Variants in PRDM16 observed in about 807,000 individuals in gnomAD.
PRDM16 encodes histone-lysine N-methyltransferase PRDM16.
A neutral mutation model predicts 110.6 loss-of-function variants in PRDM16; 23 were observed. The observed-to-expected ratio is 0.21, with a 90% CI of 0.15 to 0.29. The LOEUF (loss-of-function observed/expected upper bound fraction) is 0.29, where lower values mean the gene tolerates loss of function less well. Among genes scored for constraint, PRDM16 ranks in the 10% least tolerant of loss-of-function variants. PRDM16 has a pLI of 1.00. For synonymous variants in PRDM16, 799 were observed against 781.8 expected, an observed-to-expected ratio of 1.02 and a Z score of -0.37; for missense variants, 1,615 against 1,794.3, an observed-to-expected ratio of 0.90 and a Z score of 1.81.
chr1:3,276,660 A>G (rs535284078), intron 3 of PRDM16, among the ~76,000 whole-genome samples: 1 of 152,368 alleles, frequency 6.6e-6, no homozygotes, highest in East Asian at 1.9e-4. Flanking sequence ...CGTCGGCCCC[A>G]GCCAGCTCGA....
intron 2 of PRDM16, among the ~76,000 whole-genome samples, chr1:3,194,328 C>G (rs541432652): frequency 6.6e-6 from 1 of 152,306 alleles, no homozygotes; most frequent in East Asian, 1.9e-4. Context: ...CTCCCATGCC[C>G]CTTTCACCCT....
chr1:3,123,054 G>A (rs1019044797), intron 1 of PRDM16, among the ~76,000 whole-genome samples: 3 of 152,252 alleles, frequency 2.0e-5, no homozygotes, highest in Non-Finnish European at 2.9e-5. Flanking sequence ...TGGATGAGAA[G>A]TCAGTGTTCT....
At chr1:3,084,509 T>C (rs540037545) in intron 1 of PRDM16, among the ~76,000 whole-genome samples, 5 of 152,154 alleles carry the variant, frequency 3.3e-5, no homozygotes, top group Admixed American at 6.5e-5. Context: ...CACAGCAATA[T>C]TGAGCTTGCA....
At chr1:3,375,606 G>T (rs1191637823) in intron 3 of PRDM16, among the ~76,000 whole-genome samples, 1 of 152,224 alleles carries the variant, frequency 6.6e-6, no homozygotes, top group Non-Finnish European at 1.5e-5. Context: ...CCATGTGCAG[G>T]TTGCAGGAAG....
At chr1:3,285,259 G>C (rs1253123486) in intron 3 of PRDM16, among the ~76,000 whole-genome samples, 1 of 152,180 alleles carries the variant, frequency 6.6e-6, no homozygotes, top group Non-Finnish European at 1.5e-5. Context: ...GCCCCGTGGA[G>C]GCCCCTGCCT....
Position 3,430,983 on chromosome 1 carries a change from C to G in PRDM16, c.3396C>G (p.Asp1132Glu), listed in dbSNP as rs1233356790. The G allele has an allele frequency of 1.2e-6, 2 of 1,608,096 alleles. No individual in the cohort carries two copies. The highest frequency in any genetic ancestry group is 1.7e-6 in the Non-Finnish European group (2 of 1,177,180). Residue 1132 changes from aspartate to glutamate, a missense_variant, in exon 15 of 17, where the codon GAC (aspartate) becomes GAG (glutamate). Around this residue, in one of 5 missense-constraint regions of PRDM16, gnomAD observed 327 missense variants for 359.3 expected, o/e 0.91. Transcript: ENST00000270722. ...DDDDLEEDDE[D>E]SLAGKSQDDT... ...ATGACCTGGAGGAGGACGATGAGGACAGCCTGGCCGGGAAGTCGCAGGATG... is the reference window on the plus strand; with the variant it reads ...ATGACCTGGAGGAGGACGATGAGGAGAGCCTGGCCGGGAAGTCGCAGGATG...
rs922552587 is a variant in PRDM16 at position 3,208,190 on chromosome 1, C to T, written c.387+21716C>T. ...CAGCCAGAGTGGCCACGCTTGAAGC[C>T]TCACGGGGCTCCAGATGGAGCCTCC... On this transcript the variant is annotated intron_variant, in intron 2 of 16. Coordinates refer to ENST00000270722, the MANE Select transcript of PRDM16 (RefSeq NM_022114.4). This position sits in a 1 kb window ranked among gnomAD's most constrained non-coding sequence, Gnocchi z 6.1. 6.6e-6 allele frequency: 1 copy of T among 152,220 alleles called. No individual in the cohort carries two copies. Among genetic ancestry groups the T allele is most frequent in the Non-Finnish European group, 1.5e-5 (1 of 68,056 alleles). The allele number at this position is 152,220 out of a possible 1,614,324, so 9.4% of individuals were successfully genotyped here. A position where few individuals can be genotyped will look rare whatever the true frequency, so the allele number is the denominator to read the frequency against.
At chr1:3,429,886 G>A (rs1445214221) in intron 14 of PRDM16, among the ~76,000 whole-genome samples, 1 of 152,200 alleles carries the variant, frequency 6.6e-6, no homozygotes, top group Non-Finnish European at 1.5e-5. Flanking sequence ...GCCGTGAGAC[G>A]CTGTCACTTT....
chr1:3,429,229 A>G (rs1262616778), intron 14 of PRDM16, among the ~76,000 whole-genome samples: 2 of 152,222 alleles, frequency 1.3e-5, no homozygotes, highest in Non-Finnish European at 2.9e-5. Flanking sequence ...TCAGGCCCCC[A>G]TTCTGTGGGG....
At chr1:3,181,241 C>CGCAGTCTT (rs1644167301) in intron 1 of PRDM16, among the ~76,000 whole-genome samples, 1 of 147,588 alleles carries the variant, frequency 6.8e-6, no homozygotes, top group African/African-American at 2.6e-5. Context: ...CGGTCTTACA[C>CGCAGTCTT]ACAGTCTTAC....
intron 3 of PRDM16, among the ~76,000 whole-genome samples, chr1:3,352,420 C>T (rs1197147322): frequency 6.6e-6 from 1 of 152,170 alleles, no homozygotes; most frequent in Non-Finnish European, 1.5e-5. Context: ...AAGCCGGCGC[C>T]CCCCTTGCTG....
chr1:3,392,960 C>T (rs1349649818), intron 4 of PRDM16, among the ~76,000 whole-genome samples: 2 of 152,342 alleles, frequency 1.3e-5, no homozygotes, highest in African/African-American at 2.4e-5. Flanking sequence ...ACCTGTGTTT[C>T]GTGTTGTTCA....
intron 1 of PRDM16, among the ~76,000 whole-genome samples, chr1:3,180,826 C>A (rs1406013109): frequency 6.6e-6 from 1 of 152,158 alleles, no homozygotes; most frequent in Admixed American, 6.5e-5. Context: ...TTCAGGTTCC[C>A]AACAGGGCCC....
rs2455145 is a variant in PRDM16 at position 3,243,510 on chromosome 1, C to T, written c.388-577C>T. 0.3 allele frequency among the ~76,000 whole-genome samples: 44,922 copies of T among 152,072 alleles called. 9,358 individuals are homozygous for T. The highest frequency in any genetic ancestry group is 0.59 in the African/African-American group (24,497 of 41,426). On this transcript the variant is annotated intron_variant, in intron 2 of 16. Coordinates refer to ENST00000270722, the MANE Select transcript of PRDM16 (RefSeq NM_022114.4). The surrounding 1 kb of genome is among the most constrained non-coding windows in gnomAD (Gnocchi z 5.5). The stretch of plus-strand genomic sequence containing the variant: ...GCCGCCCGCCGCTGTCTCCTGGGAC[C>T]GCTGGGCAGAGTCCAGCTCCCCCCG...
intron 11 of PRDM16, 128 bp from the exon 12 acceptor site, chr1:3,418,539 A>G: frequency 1.5e-6 from 1 of 687,680 alleles, no homozygotes; most frequent in Non-Finnish European, 2.6e-6. Context: ...TGAAACTGGG[A>G]TGCTGGGATG....
intron 3 of PRDM16, among the ~76,000 whole-genome samples, chr1:3,277,234 C>G (rs2100310933): frequency 6.6e-6 from 1 of 152,338 alleles, no homozygotes; most frequent in South Asian, 2.1e-4. Flanking sequence ...GGCCCCATGC[C>G]TCTCTGTGCA....
At chr1:3,422,194 G>A (rs1343654076) in intron 12 of PRDM16, among the ~76,000 whole-genome samples, 4 of 144,168 alleles carry the variant, frequency 2.8e-5, no homozygotes, top group African/African-American at 5.2e-5. Context: ...AGATAGGTAG[G>A]CAGACAGACA....
Position 3,069,379 on chromosome 1 carries a change from G to GCCGCGCCCC in PRDM16, c.37+83_37+84insCCGCGCCCC. 1 of 452,118 alleles carries GCCGCGCCCC rather than the reference G, an allele frequency of 2.2e-6. No individual in the cohort carries two copies. Among genetic ancestry groups the GCCGCGCCCC allele is most frequent in the Non-Finnish European group, 2.9e-6 (1 of 347,614 alleles). 28.0% of individuals were successfully genotyped at this position (452,118 alleles called of 1,614,324 possible). ...GCGCCCGGGCCAGGGGTGCGCGTCG[G>GCCGCGCCCC]GGCGCGGCCGGCGCGCCTGCGGCTC... On this transcript the variant is annotated intron_variant, in intron 1 of 16. Transcript: ENST00000270722. The surrounding 1 kb of genome is among the most constrained non-coding windows in gnomAD (Gnocchi z 6.1).
chr1:3,410,882 T>G (rs972037081), intron 8 of PRDM16, among the ~76,000 whole-genome samples: 1 of 152,116 alleles, frequency 6.6e-6, no homozygotes, highest in Non-Finnish European at 1.5e-5. Flanking sequence ...CCCAGGGACT[T>G]CTGAAAATCT....
Sources: allele counts gnomAD v4.1 joint callset (sites outside exome capture counted in the v4.1 genomes callset), GRCh38; gene constraint gnomAD v4.1.1; regional missense constraint gnomAD v4.1.1; non-coding constraint Gnocchi (gnomAD v3.1); transcripts MANE v1.5; gene names NCBI Gene and HGNC (gene_info 2026-07-23, HGNC 2026-07-21).